Variants in TRIM24 observed in about 807,000 individuals in gnomAD.
TRIM24 encodes the protein transcription intermediary factor 1-alpha.
TRIM24 carries 29 observed loss-of-function variants against 123.9 expected under a neutral mutation model. The observed-to-expected ratio is 0.23, with a 90% CI of 0.17 to 0.32. The LOEUF is 0.32. Among genes scored for constraint, TRIM24 ranks in the 10% least tolerant of loss-of-function variants. TRIM24 has a pLI of 1.00. For synonymous variants in TRIM24, 456 were observed against 461.1 expected (o/e 0.99, Z 0.14); for missense variants, 932 against 1,295.3 (o/e 0.72, Z 4.31).
intron 7 of TRIM24, among the ~76,000 whole-genome samples, chr7:138,543,345 C>A (rs1000000823): frequency 5.3e-5 from 8 of 152,170 alleles, no homozygotes; most frequent in Non-Finnish European, 1.2e-4. Flanking sequence ...AGCACTGATG[C>A]ATTTCTAGTA....
At chr7:138,486,265 A>C (rs1024852228) in intron 1 of TRIM24, among the ~76,000 whole-genome samples, 1 of 151,944 alleles carries the variant, frequency 6.6e-6, no homozygotes, top group African/African-American at 2.4e-5. Flanking sequence ...AATTGCAAAA[A>C]TTTTTTCCCA....
chr7:138,571,640 T>G (rs1394710289), intron 11 of TRIM24, among the ~76,000 whole-genome samples: 1 of 152,202 alleles, frequency 6.6e-6, no homozygotes, highest in Non-Finnish European at 1.5e-5. Flanking sequence ...TACTGACAAG[T>G]GCAAAATTAC....
intron 1 of TRIM24, among the ~76,000 whole-genome samples, chr7:138,477,373 GAA>G (rs1008800051): frequency 6.6e-6 from 1 of 152,144 alleles, no homozygotes; most frequent in African/African-American, 2.4e-5. Context: ...AGCGAGGCAA[GAA>G]AAAGTTGGGA....
chr7:138,476,853 T>C (rs1385460156), intron 1 of TRIM24, among the ~76,000 whole-genome samples: 2 of 152,182 alleles, frequency 1.3e-5, no homozygotes, highest in East Asian at 3.9e-4. Context: ...CACAGTGTTA[T>C]TTGTCTGTAG....
intron 1 of TRIM24, among the ~76,000 whole-genome samples, chr7:138,466,756 C>T (rs1468228413): frequency 6.6e-6 from 1 of 151,876 alleles, no homozygotes; most frequent in Non-Finnish European, 1.5e-5. Context: ...GGCTTGCATG[C>T]TCATTTTCTT....
rs775763204 is a variant in TRIM24, at chr7:138,554,992, C to T, written c.1530+26C>T. 1 of 1,605,472 alleles carries T rather than the reference C, an allele frequency of 6.2e-7. No homozygotes were observed. Among genetic ancestry groups the T allele is most frequent in the South Asian group, 1.1e-5 (1 of 90,534 alleles). ...GTAAATTTGGAAGCAGGCCTGTCCT[C>T]ACTTAGATAATTATAGTATAATTGT... On this transcript the variant is annotated intron_variant, in intron 9 of 18. Transcript: ENST00000343526. The surrounding 1 kb of genome is among the most constrained non-coding windows in gnomAD (Gnocchi z 4.5).
intron 1 of TRIM24, among the ~76,000 whole-genome samples, chr7:138,465,446 G>A (rs566795560): frequency 1.3e-5 from 2 of 152,326 alleles, no homozygotes; most frequent in African/African-American, 4.8e-5. Flanking sequence ...AGCAAACTGG[G>A]AGTTTGAGAG....
Position 138,460,296 on chromosome 7 carries a change from G to A in TRIM24, c.-253G>A, listed in dbSNP as rs1374208375. On this transcript the variant is annotated 5_prime_UTR_variant, in exon 1 of 19. Coordinates refer to ENST00000343526, the MANE Select transcript of TRIM24 (RefSeq NM_015905.3). ...CGCCTCGGCGGTTGGCGAAGCGGAC[G>A]GGGTGCAGCCTCCCCGGTGCGAGGA... 7.9e-6 allele frequency: 3 copies of A among 380,504 alleles called. No individual in the cohort carries two copies. The highest frequency in any genetic ancestry group is 4.2e-5 in the African/African-American group (2 of 47,942). 23.6% of individuals were successfully genotyped at this position (380,504 alleles called of 1,614,324 possible). A position where few individuals can be genotyped will look rare whatever the true frequency, so the allele number is the denominator to read the frequency against.
Position 138,460,924 on chromosome 7 carries a change from C to G in TRIM24, c.364+12C>G. On this transcript the variant is annotated intron_variant, in intron 1 of 18. Coordinates refer to ENST00000343526, the MANE Select transcript of TRIM24 (RefSeq NM_015905.3). ...GTTCGCCACCCAAGGTGAGAACCGG[C>G]CGCGGCCGCTGGGGAGCCCGGGGAG... 7.0e-7 allele frequency: 1 copy of G among 1,435,154 alleles called. No homozygotes were observed. The highest frequency in any genetic ancestry group is 9.1e-7 in the Non-Finnish European group (1 of 1,103,338). The allele number at this position is 1,435,154 out of a possible 1,614,324, so 88.9% of individuals were successfully genotyped here.
chr7:138,527,408 A>C (rs180847740), intron 5 of TRIM24, among the ~76,000 whole-genome samples: 302 of 152,368 alleles, frequency 2.0e-3, no homozygotes, highest in African/African-American at 6.7e-3. Context: ...GTGATTATAA[A>C]AGGGTACATT....
chr7:138,547,079 C>G (rs1004435118), intron 7 of TRIM24, among the ~76,000 whole-genome samples: 1 of 152,028 alleles, frequency 6.6e-6, no homozygotes, highest in African/African-American at 2.4e-5. Context: ...GTACATATAC[C>G]CAATGGAATA....
rs535236989 is a variant in TRIM24 at position 138,582,324 on chromosome 7, C to T, written c.2793+553C>T. On this transcript the variant is annotated intron_variant, in intron 17 of 18. Coordinates refer to ENST00000343526, the MANE Select transcript of TRIM24 (RefSeq NM_015905.3). The stretch of plus-strand genomic sequence containing the variant: ...TTGGGAGGCCGAGGCGGGCGGATCA[C>T]GAGGTCAGGAGATAGAGACCATCCT... Among the ~76,000 whole-genome samples the T allele has an allele frequency of 2.6e-5, 4 of 152,170 alleles. No homozygotes were observed. The South Asian group carries it at 6.2e-4, about 24-fold the overall frequency.
At chr7:138,535,198 G>A (rs1475088641) in intron 6 of TRIM24, among the ~76,000 whole-genome samples, 1 of 152,178 alleles carries the variant, frequency 6.6e-6, no homozygotes, top group Non-Finnish European at 1.5e-5. Context: ...TTTAATTGGA[G>A]CATTTAGCCC....
At chr7:138,500,909 G>A (rs1055772626) in intron 1 of TRIM24, among the ~76,000 whole-genome samples, 1 of 151,836 alleles carries the variant, frequency 6.6e-6, no homozygotes, top group Non-Finnish European at 1.5e-5. Context: ...CATCTGTAAC[G>A]CAATGGTATT....
At chr7:138,581,662 A>G (rs984086475) in intron 16 of TRIM24, 35 bp from the exon 17 acceptor site, 3 of 1,527,942 alleles carry the variant, frequency 2.0e-6, no homozygotes, top group African/African-American at 1.4e-5. Flanking sequence ...TTGTTTTATA[A>G]TATTTTATCT....
Position 138,580,651 on chromosome 7 carries a change from A to C in TRIM24, c.2675A>C (p.Lys892Thr). 1.2e-6 allele frequency: 2 copies of C among 1,613,956 alleles called. No individual in the cohort carries two copies. The change falls in exon 16 of 19, where the codon AAG (lysine) becomes ACG (threonine). Residue 892 changes from lysine to threonine, a missense_variant. Lys to Thr is a moderately conservative substitution (Grantham distance 78). This residue lies in a region of TRIM24 where 45 missense variants were observed against 56.6 expected (regional missense o/e 0.80). Coordinates refer to ENST00000343526, the MANE Select transcript of TRIM24 (RefSeq NM_015905.3). ...CDAPSHNSEK[K>T]KTEGLVKLTP... Reference sequence around the variant, plus strand: ...GCTCCCAGTCACAACTCAGAAAAAAAGAAAACTGAAGGCCTTGTTAAGTTA... The same window carrying C: ...GCTCCCAGTCACAACTCAGAAAAAACGAAAACTGAAGGCCTTGTTAAGTTA...
intron 2 of TRIM24, among the ~76,000 whole-genome samples, chr7:138,511,133 G>T (rs754946207): frequency 6.6e-6 from 1 of 152,144 alleles, no homozygotes; most frequent in Non-Finnish European, 1.5e-5. Flanking sequence ...TTGGCTCACG[G>T]TTTCACTGGC....
In TRIM24 at chr7:138,563,433, C is replaced by T. The variant is rs368955023; in HGVS notation, c.1531-4048C>T. Among the ~76,000 whole-genome samples, 613 of 152,264 alleles carry T rather than the reference C, an allele frequency of 4.0e-3. 5 individuals are homozygous for T. The highest frequency in any genetic ancestry group is 0.014 in the African/African-American group (574 of 41,540). On this transcript the variant is annotated intron_variant, in intron 9 of 18. Transcript: ENST00000343526. ...GTTTGGCCCCATCTCCGTCTGTGCCCGTGTCCACATCCGCACCCTCTTGCA... is the reference window on the plus strand; with the variant it reads ...GTTTGGCCCCATCTCCGTCTGTGCCTGTGTCCACATCCGCACCCTCTTGCA...
chr7:138,468,761 C>T (rs1332002678), intron 1 of TRIM24, among the ~76,000 whole-genome samples: 1 of 152,168 alleles, frequency 6.6e-6, no homozygotes, highest in Non-Finnish European at 1.5e-5. Context: ...TCTGCACATG[C>T]GTAGTAGCCT....
Sources: allele counts gnomAD v4.1 joint callset (sites outside exome capture counted in the v4.1 genomes callset), GRCh38; gene constraint gnomAD v4.1.1; regional missense constraint gnomAD v4.1.1; non-coding constraint Gnocchi (gnomAD v3.1); transcripts MANE v1.5; gene names NCBI Gene and HGNC (gene_info 2026-07-23, HGNC 2026-07-21).